TTC33: variants seen among roughly 807,000 people sequenced by gnomAD.
The protein encoded by TTC33 is tetratricopeptide repeat protein 33.
Under a neutral mutation model 29.4 loss-of-function variants are expected in TTC33, and 24 were observed. The ratio of observed to expected loss-of-function variants is 0.82; its 90% CI spans 0.59 to 1.15. The LOEUF (loss-of-function observed/expected upper bound fraction) is 1.15, where lower values mean the gene tolerates loss of function less well. Ranked by LOEUF, TTC33 falls within the 50% of genes most tolerant of loss-of-function variation. The pLI is 0.00. For synonymous variants in TTC33, 107 were observed against 100.3 expected (o/e 1.07, Z -0.40); for missense variants, 286 against 310.4 (o/e 0.92, Z 0.59).
chr5:40,719,473 T>A (rs1430358826), intron 4 of TTC33, among the ~76,000 whole-genome samples: 1 of 152,254 alleles, frequency 6.6e-6, no homozygotes. Flanking sequence ...TTGAGTTGTT[T>A]CCACTTCTTG....
At chr5:40,721,918 T>A (rs1264213271) in intron 4 of TTC33, among the ~76,000 whole-genome samples, 1 of 152,150 alleles carries the variant, frequency 6.6e-6, no homozygotes, top group Non-Finnish European at 1.5e-5. Context: ...AACTTTCAAA[T>A]ATATAAGAAA....
rs529962271 is a variant in TTC33 at position 40,724,385 on chromosome 5, G to A, written c.435+3960C>T. ...CACAGTGGCTCACGCCTGTAATCCC[G>A]GAACATTGGGAGGCTGAGGCAGGAG... On this transcript the variant is annotated intron_variant, in intron 4 of 4. Transcript: ENST00000337702. Among the ~76,000 whole-genome samples the A allele has an allele frequency of 5.9e-5, 9 of 152,038 alleles. 1 individual carries two copies. Among genetic ancestry groups the A allele is most frequent in the South Asian group, 2.1e-4 (1 of 4,804 alleles).
chr5:40,727,195 A>C (rs1321373995), intron 4 of TTC33, among the ~76,000 whole-genome samples: 1 of 152,270 alleles, frequency 6.6e-6, no homozygotes, highest in African/African-American at 2.4e-5. Flanking sequence ...ACTGTTAGTA[A>C]GTTTATATTT....
chr5:40,722,383 G>A (rs1262753432), intron 4 of TTC33, among the ~76,000 whole-genome samples: 1 of 151,350 alleles, frequency 6.6e-6, no homozygotes, highest in Non-Finnish European at 1.5e-5. Context: ...TGGGATGTGA[G>A]GAGCCCCTCT....
chr5:40,732,647 T>C (rs748028568), intron 2 of TTC33, among the ~76,000 whole-genome samples: 22 of 151,984 alleles, frequency 1.4e-4, no homozygotes, highest in Non-Finnish European at 2.8e-4. Context: ...TCACCCAGGC[T>C]GGAGTACATG....
chr5:40,715,978 C>G lies in TTC33; in HGVS notation c.*167G>C, dbSNP rs1200109590. On this transcript the variant is annotated 3_prime_UTR_variant, in exon 5 of 5. Coordinates refer to ENST00000337702, the MANE Select transcript of TTC33 (RefSeq NM_012382.3). ...AAATCATAACTTATCAAAGCATATT[C>G]CAAACACTATACAATAATCCTGCCA... 3.7e-6 allele frequency: 2 copies of G among 533,522 alleles called. No homozygotes were observed. The highest frequency in any genetic ancestry group is 6.5e-6 in the Non-Finnish European group (2 of 309,458). The allele number at this position is 533,522 out of a possible 1,614,324, so 33.0% of individuals were successfully genotyped here. A position where few individuals can be genotyped will look rare whatever the true frequency, so the allele number is the denominator to read the frequency against.
At chr5:40,716,655 C>G (rs1200006869) in intron 4 of TTC33, among the ~76,000 whole-genome samples, 157 bp from the exon 5 acceptor site, 1 of 152,034 alleles carries the variant, frequency 6.6e-6, no homozygotes, top group African/African-American at 2.4e-5. Flanking sequence ...CGGTGTTGCC[C>G]TAAACACTGG....
chr5:40,713,735 GA>G lies in TTC33; in HGVS notation c.*2409del, dbSNP rs1205340833. ...ATGTAAATTATAGTCAATATAACTT[GA>G]ACAGTAAACAGTGTTATTTCAGAAA... is the stretch of plus-strand genomic sequence containing the variant. On this transcript the variant is annotated 3_prime_UTR_variant, in exon 5 of 5. Coordinates refer to ENST00000337702, the MANE Select transcript of TTC33 (RefSeq NM_012382.3). 2.6e-5 allele frequency among the ~76,000 whole-genome samples: 4 copies of G among 151,988 alleles called. No homozygotes were observed. Among genetic ancestry groups the G allele is most frequent in the African/African-American group, 9.7e-5 (4 of 41,380 alleles).
At chr5:40,755,066 C>T (rs568573989) in intron 1 of TTC33, among the ~76,000 whole-genome samples, 34 of 152,272 alleles carry the variant, frequency 2.2e-4, no homozygotes, top group African/African-American at 8.2e-4. Context: ...ACAAATTCAA[C>T]CTTTTATATA....
Position 40,748,055 on chromosome 5 carries a change from G to A in TTC33, c.-1-1036C>T, listed in dbSNP as rs1394027188. Among the ~76,000 whole-genome samples, 7 of 152,240 alleles carry A rather than the reference G, an allele frequency of 4.6e-5. No homozygotes were observed. In the East Asian group the frequency reaches 1.3e-3, roughly 29 times the overall value. ...TTAGCCAGGCTGGTCTCAAACTCCT[G>A]ACCTTAGGAGATCCGCCCACCTCGG... On this transcript the variant is annotated intron_variant, in intron 1 of 4. Transcript: ENST00000337702.
At chr5:40,729,890 G>A (rs576513836) in intron 3 of TTC33, among the ~76,000 whole-genome samples, 1 of 152,134 alleles carries the variant, frequency 6.6e-6, no homozygotes, top group African/African-American at 2.4e-5. Context: ...GTAGAGGCAA[G>A]GTTTCACCAT....
chr5:40,732,713 A>G (rs1288123752), intron 2 of TTC33, among the ~76,000 whole-genome samples: 2 of 151,940 alleles, frequency 1.3e-5, no homozygotes, highest in Non-Finnish European at 2.9e-5. Flanking sequence ...GGTTCAAGCG[A>G]TTCTCCTGCC....
At chr5:40,736,255 C>T (rs1224562490) in intron 2 of TTC33, among the ~76,000 whole-genome samples, 1 of 152,110 alleles carries the variant, frequency 6.6e-6, no homozygotes, top group Non-Finnish European at 1.5e-5. Flanking sequence ...TATGTTTTTC[C>T]ACAGAGCATG....
chr5:40,753,018 G>GT (rs1264673432), intron 1 of TTC33, among the ~76,000 whole-genome samples: 1 of 152,128 alleles, frequency 6.6e-6, no homozygotes, highest in Non-Finnish European at 1.5e-5. Context: ...ATTGTGAGTC[G>GT]TATGTCTGAG....
intron 2 of TTC33, among the ~76,000 whole-genome samples, chr5:40,733,849 C>A (rs1258139317): frequency 2.6e-5 from 4 of 152,172 alleles, no homozygotes; most frequent in African/African-American, 7.2e-5. Flanking sequence ...ATGACCATCA[C>A]TAGTTTTTTC....
intron 4 of TTC33, among the ~76,000 whole-genome samples, chr5:40,717,416 T>C (rs1487240050): frequency 6.6e-6 from 1 of 151,920 alleles, no homozygotes; most frequent in African/African-American, 2.4e-5. Flanking sequence ...TCAGAGTCCA[T>C]TCTCTTATTC....
chr5:40,716,119 A>C lies in TTC33; in HGVS notation c.*26T>G. On this transcript the variant is annotated 3_prime_UTR_variant, in exon 5 of 5. Coordinates refer to ENST00000337702, the MANE Select transcript of TTC33 (RefSeq NM_012382.3). ...CTTCAAGAGGCAATCAAAAAGACAGATTCAAATAATCCTATGCATACTGCT... is the reference window on the plus strand; with the variant it reads ...CTTCAAGAGGCAATCAAAAAGACAGCTTCAAATAATCCTATGCATACTGCT... The C allele has an allele frequency of 6.5e-7, 1 of 1,529,574 alleles. No homozygotes were observed. The highest frequency in any genetic ancestry group is 8.8e-7 in the Non-Finnish European group (1 of 1,135,420). The allele number at this position is 1,529,574 out of a possible 1,614,324, so 94.8% of individuals were successfully genotyped here.
chr5:40,730,731 A>C (rs961489584), intron 2 of TTC33, among the ~76,000 whole-genome samples: 8 of 152,196 alleles, frequency 5.3e-5, no homozygotes, highest in Admixed American at 6.5e-5. Flanking sequence ...AATCCAAAAT[A>C]AAGGATTAGC....
At chr5:40,718,800 C>T (rs1742065164) in intron 4 of TTC33, among the ~76,000 whole-genome samples, 1 of 151,798 alleles carries the variant, frequency 6.6e-6, no homozygotes, top group Admixed American at 6.6e-5. Flanking sequence ...AATTTGGAGG[C>T]TGAGGCAGGA....
Sources: gnomAD v4.1 joint callset for allele counts (sites outside exome capture counted in the v4.1 genomes callset) on GRCh38, gnomAD v4.1.1 for gene constraint, MANE v1.5 for transcripts, NCBI Gene and HGNC (gene_info 2026-07-23, HGNC 2026-07-21) for gene names.